STX5: variants seen among roughly 807,000 people sequenced by gnomAD.
The protein encoded by STX5 is syntaxin-5.
In STX5, 15 loss-of-function variants were observed where a neutral mutation model predicts 42.9. The observed-to-expected ratio is 0.35, with a 90% CI of 0.23 to 0.54. The LOEUF is 0.54. STX5 is among the 20% of genes least tolerant of loss of function. The pLI is 0.91. For synonymous variants in STX5, 184 were observed against 173.2 expected (o/e 1.06, Z -0.49); for missense variants, 430 against 455.0 (o/e 0.95, Z 0.50).
Position 62,831,112 on chromosome 11 carries a change from TGGG to T in STX5, c.129_131del (p.Pro44del), listed in dbSNP as rs746707646. The T allele has an allele frequency of 1.9e-5, 25 of 1,298,500 alleles. No individual in the cohort carries two copies. In the African/African-American group the frequency reaches 3.4e-4, roughly 17 times the overall value. The allele number at this position is 1,298,500 out of a possible 1,614,324, so 80.4% of individuals were successfully genotyped here. On this transcript the variant is annotated inframe_deletion, in exon 2 of 11. Coordinates refer to ENST00000294179, the MANE Select transcript of STX5 (RefSeq NM_003164.5). ...CGGGAGGGGGAGGGACGAGGGTCACTGGGGGGGGCAGAGGGGCGATGTCGCTGC... is the reference window on the plus strand; with the variant it reads ...CGGGAGGGGGAGGGACGAGGGTCACTGGGGGCAGAGGGGCGATGTCGCTGC...
chr11:62,830,947 C>CA (rs1319472597), intron 2 of STX5, 72 bp downstream of exon 2: 1 of 1,377,954 alleles, frequency 7.3e-7, no homozygotes, highest in Non-Finnish European at 1.0e-6. Flanking sequence ...CTTCGGTTAA[C>CA]AGTGGTGGAG....
intron 10 of STX5, 196 bp from the exon 11 acceptor site, chr11:62,807,824 G>C (rs2084569774): frequency 1.0e-6 from 1 of 1,001,114 alleles, no homozygotes; most frequent in Non-Finnish European, 1.4e-6. Flanking sequence ...CCATTTATTA[G>C]CTTAAGACTC....
chr11:62,824,332 G>A (rs1003875234), intron 9 of STX5, 45 bp from the exon 10 acceptor site: 3 of 1,613,502 alleles, frequency 1.9e-6, no homozygotes, highest in African/African-American at 1.3e-5. Flanking sequence ...AGCTTCTTCA[G>A]GGTCAGACCT....
intron 10 of STX5, among the ~76,000 whole-genome samples, chr11:62,817,473 A>C (rs1388684819): frequency 6.6e-6 from 1 of 152,228 alleles, no homozygotes; most frequent in Non-Finnish European, 1.5e-5. Context: ...CTGCGAAAAC[A>C]AAAAAGTCAA....
chr11:62,819,116 G>A (rs192838677), intron 10 of STX5, among the ~76,000 whole-genome samples: 1 of 148,558 alleles, frequency 6.7e-6, no homozygotes, highest in Non-Finnish European at 1.5e-5. Flanking sequence ...AGCTACTCAG[G>A]AGGCTGAGGC....
intron 10 of STX5, among the ~76,000 whole-genome samples, chr11:62,816,959 CTTGT>C (rs746888182): frequency 2.9e-4 from 44 of 151,232 alleles, no homozygotes; most frequent in African/African-American, 4.8e-4. Context: ...CTCTCTCATT[CTTGT>C]TTGTTTGTTT....
chr11:62,818,245 CAAAAAAAAA>C (rs71056566), intron 10 of STX5, among the ~76,000 whole-genome samples: 1 of 74,930 alleles, frequency 1.3e-5, no homozygotes, highest in Admixed American at 1.7e-4. Flanking sequence ...AACTCCATCT[CAAAAAAAAA>C]AAAAAAAAAA....
intron 2 of STX5, among the ~76,000 whole-genome samples, chr11:62,828,349 G>A (rs757980961): frequency 2.0e-5 from 3 of 152,076 alleles, no homozygotes; most frequent in East Asian, 1.9e-4. Flanking sequence ...CTAGGCTCAC[G>A]CAATCCTCCC....
chr11:62,812,369 G>A lies in STX5; in HGVS notation c.909-4741C>T, dbSNP rs532477290. ...TGGGATTACAGGCATGAGCCACTGC[G>A]CCTGGCCCTCCATATCTTTTATAAT... On this transcript the variant is annotated intron_variant, in intron 10 of 10. Coordinates refer to ENST00000294179, the MANE Select transcript of STX5 (RefSeq NM_003164.5). Among the ~76,000 whole-genome samples, 8 of 152,066 alleles carry A rather than the reference G, an allele frequency of 5.3e-5. No individual in the cohort carries two copies. In the East Asian group the frequency reaches 7.8e-4, roughly 15 times the overall value.
intron 1 of STX5, among the ~76,000 whole-genome samples, chr11:62,831,466 C>T (rs2084862810): frequency 6.6e-6 from 1 of 152,126 alleles, no homozygotes; most frequent in Non-Finnish European, 1.5e-5. Flanking sequence ...TCAGACTCTT[C>T]TTCCAACTTG....
intron 10 of STX5, among the ~76,000 whole-genome samples, chr11:62,812,362 C>CCA (rs1565207521): frequency 2.6e-5 from 4 of 152,244 alleles, no homozygotes; most frequent in African/African-American, 4.8e-5. Flanking sequence ...CAGGCATGAG[C>CCA]CACTGCGCCT....
rs1164425806 is a variant in STX5, at chr11:62,824,534, G to C, written c.711C>G (p.Ser237=). Reference sequence around the variant, plus strand: ...CGATGGCGACATCCTTGGAGGCATGGGACTCTGCCCCCAGAACCACAGCAC... The same window carrying C: ...CGATGGCGACATCCTTGGAGGCATGCGACTCTGCCCCCAGAACCACAGCAC... ...GGGAVVLGAE[S]HASKDVAIDM... is the part of the protein sequence containing the mutation. Residue 237 remains serine (S), a synonymous_variant, in exon 9 of 11, where the codon TCC becomes TCG. Coordinates refer to ENST00000294179, the MANE Select transcript of STX5 (RefSeq NM_003164.5). 6.2e-7 allele frequency: 1 copy of C among 1,613,998 alleles called. No individual in the cohort carries two copies. Among genetic ancestry groups the C allele is most frequent in the African/African-American group, 1.3e-5 (1 of 74,918 alleles).
At position 62,830,872 on chromosome 11, in the gene STX5, G is replaced by A. The variant is rs180992347; in HGVS notation, c.225+147C>T. The A allele has an allele frequency of 2.9e-5, 23 of 796,798 alleles. No homozygotes were observed. In the African/African-American group the frequency reaches 3.3e-4, roughly 11 times the overall value. 49.4% of individuals were successfully genotyped at this position (796,798 alleles called of 1,614,324 possible). A position where few individuals can be genotyped will look rare whatever the true frequency, so the allele number is the denominator to read the frequency against. ...TTAGCCAGCCGACCTCTTCTCTGTT[G>A]CTTATAGCAGACCCTACAGGCCCCA... On this transcript the variant is annotated intron_variant, in intron 2 of 10. Transcript: ENST00000294179.
intron 10 of STX5, among the ~76,000 whole-genome samples, chr11:62,816,512 C>G (rs1248250854): frequency 6.6e-6 from 1 of 151,956 alleles, no homozygotes; most frequent in Non-Finnish European, 1.5e-5. Context: ...AGCTTCTGGC[C>G]TCAAGCAATC....
Position 62,807,250 on chromosome 11 carries a change from CT to C in STX5, c.*218del. 1.6e-6 allele frequency: 1 copy of C among 611,606 alleles called. No homozygotes were observed. Among genetic ancestry groups the C allele is most frequent in the Non-Finnish European group, 2.6e-6 (1 of 377,582 alleles). 37.9% of individuals were successfully genotyped at this position (611,606 alleles called of 1,614,324 possible). A position where few individuals can be genotyped will look rare whatever the true frequency, so the allele number is the denominator to read the frequency against. ...AGTCACTTCACAGCAGAGTTCAAAT[CT>C]AGAACCCTGTGTGTTTCATAGGCCT... On this transcript the variant is annotated 3_prime_UTR_variant, in exon 11 of 11. Coordinates refer to ENST00000294179, the MANE Select transcript of STX5 (RefSeq NM_003164.5).
chr11:62,823,228 G>GC, intron 10 of STX5, among the ~76,000 whole-genome samples: 1 of 151,406 alleles, frequency 6.6e-6, no homozygotes, highest in East Asian at 1.9e-4. Context: ...AGACTGGAGC[G>GC]CAGTGGTTCC....
chr11:62,827,647 AG>A lies in STX5; in HGVS notation c.226-17del. On this transcript the variant is annotated splice_polypyrimidine_tract_variant and intron_variant, in intron 2 of 10. Coordinates refer to ENST00000294179, the MANE Select transcript of STX5 (RefSeq NM_003164.5). ...GGATTCCATTCTGAAAAGCAATGGC[AG>A]GAGGTGACAACTTTAGTTCTCCCTT... The A allele has an allele frequency of 6.2e-7, 1 of 1,614,174 alleles. No individual in the cohort carries two copies.
chr11:62,819,873 T>C (rs2134833733), intron 10 of STX5, among the ~76,000 whole-genome samples: 1 of 151,512 alleles, frequency 6.6e-6, no homozygotes, highest in Middle Eastern at 3.4e-3. Flanking sequence ...TTTTTTTTTT[T>C]GTATTTTTAG....
At position 62,825,108 on chromosome 11, in the gene STX5, G is replaced by C. The variant is rs758065598; in HGVS notation, c.607C>G (p.Gln203Glu). The change falls in exon 8 of 11, where the codon CAG (glutamine) becomes GAG (glutamate). Residue 203 changes from glutamine to glutamate, a missense_variant. Transcript: ENST00000294179. ...VLEVRTENLK[Q>E]QRSRREQFSR... ...AACTGCTCTCTCCGGCTCCTCTGCT[G>C]CTTCAGGTTCTGGGGTTGGGGAAAA... 1.9e-6 allele frequency: 3 copies of C among 1,613,236 alleles called. No homozygotes were observed. The Admixed American group carries it at 5.0e-5, about 27-fold the overall frequency.
Sources: gnomAD v4.1 joint callset for allele counts (sites outside exome capture counted in the v4.1 genomes callset) on GRCh38, gnomAD v4.1.1 for gene constraint, MANE v1.5 for transcripts, NCBI Gene and HGNC (gene_info 2026-07-23, HGNC 2026-07-21) for gene names.